Variants in GANAB observed in about 807,000 individuals in gnomAD.
GANAB encodes neutral alpha-glucosidase AB.
Under a neutral mutation model 129.9 loss-of-function variants are expected in GANAB, and 35 were observed. The observed-to-expected ratio is 0.27, with a 90% CI of 0.21 to 0.36. GANAB has a LOEUF of 0.36. Among genes scored for constraint, GANAB ranks in the 10% least tolerant of loss-of-function variants. The pLI, the probability that GANAB is intolerant of heterozygous loss-of-function variation, is 1.00. For synonymous variants in GANAB, 482 were observed against 451.8 expected (o/e 1.07, Z -0.85); for missense variants, 939 against 1,221.0 (o/e 0.77, Z 3.44).
chr11:62,634,304 AT>A, intron 5 of GANAB: 1 of 1,585,392 alleles, frequency 6.3e-7, no homozygotes, highest in South Asian at 1.1e-5. Flanking sequence ...GTGGCCATGG[AT>A]TTACCTAGAG....
chr11:62,643,588 A>T (rs1044191110), intron 1 of GANAB, among the ~76,000 whole-genome samples: 8 of 152,342 alleles, frequency 5.3e-5, no homozygotes, highest in African/African-American at 1.9e-4. Flanking sequence ...GGTTGCAGTG[A>T]GCCAAGGTTG....
intron 4 of GANAB, among the ~76,000 whole-genome samples, chr11:62,635,695 G>T (rs1943913646): frequency 6.7e-6 from 1 of 150,088 alleles, no homozygotes; most frequent in African/African-American, 2.5e-5. Flanking sequence ...GCACAACCTT[G>T]GCTCACTGCA....
intron 5 of GANAB, chr11:62,633,790 G>A: frequency 1.9e-6 from 1 of 533,908 alleles, no homozygotes; most frequent in Non-Finnish European, 3.4e-6. Context: ...GAGAAAGGCA[G>A]AATGATTCAG....
chr11:62,639,076 T>C lies in GANAB; in HGVS notation c.287A>G (p.Lys96Arg), dbSNP rs561974194. 9.2e-5 allele frequency: 149 copies of C among 1,613,954 alleles called. No individual in the cohort carries two copies. Among genetic ancestry groups the C allele is most frequent in the Non-Finnish European group, 1.2e-4 (142 of 1,179,998 alleles). ...ATCAATCCTGAACCGAGTCATGTTC[T>C]TTTGAAGCCCCTGAAGCTCTAGCAC... is the stretch of plus-strand genomic sequence containing the variant. Reference protein sequence around the residue: ...LLVLELQGLQKNMTRFRIDEL... With the variant: ...LLVLELQGLQRNMTRFRIDEL... Residue 96 changes from lysine to arginine, a missense_variant, in exon 4 of 24, where the codon AAG (lysine) becomes AGG (arginine). Physicochemically the swap from Lys to Arg is conservative, Grantham distance 26 (BLOSUM62 2). This residue lies in a region of GANAB where 321 missense variants were observed against 329.1 expected (regional missense o/e 0.98). Transcript: ENST00000356638.
chr11:62,644,697 G>A (rs1406218164), intron 1 of GANAB, among the ~76,000 whole-genome samples: 1 of 152,050 alleles, frequency 6.6e-6, no homozygotes, highest in African/African-American at 2.4e-5. Flanking sequence ...GGTGGCACAC[G>A]TCTGTAATCC....
chr11:62,642,871 G>T (rs1196759582), intron 1 of GANAB, among the ~76,000 whole-genome samples: 6 of 151,984 alleles, frequency 3.9e-5, no homozygotes. Context: ...TTTCCAGATG[G>T]GAAAATTAAA....
In GANAB at chr11:62,628,225, T is replaced by TTTC. The variant is rs1554971441; in HGVS notation, c.2180+543_2180+544insGAA. Among the ~76,000 whole-genome samples the TTTC allele has an allele frequency of 5.1e-4, 63 of 124,504 alleles. 1 individual carries two copies. Among genetic ancestry groups the TTTC allele is most frequent in the Non-Finnish European group, 6.2e-4 (38 of 61,068 alleles). 81.7% of individuals were successfully genotyped at this position (124,504 alleles called of 152,430 possible). On this transcript the variant is annotated intron_variant, in intron 17 of 23. Transcript: ENST00000356638. ...CAAAACTTTTTTTTTTTTTTTTTTT[T>TTTC]CATTTTTTTGAGATGGAGTCTCCCT...
At chr11:62,634,076 TG>T in intron 5 of GANAB, 1 of 484,720 alleles carries the variant, frequency 2.1e-6, no homozygotes. Context: ...CTCCATCCCC[TG>T]GCAAAGCAAT....
chr11:62,626,736 C>T (rs780054769), intron 20 of GANAB, 52 bp from the exon 21 acceptor site: 64 of 1,375,212 alleles, frequency 4.7e-5, no homozygotes, highest in Non-Finnish European at 6.3e-5. Flanking sequence ...CAACCTTGGG[C>T]CCCACAGCAT....
At position 62,633,218 on chromosome 11, in the gene GANAB, C is replaced by G; in HGVS notation, c.684G>C (p.Glu228Asp). 1.2e-6 allele frequency: 2 copies of G among 1,614,148 alleles called. No homozygotes were observed. Among genetic ancestry groups the G allele is most frequent in the Non-Finnish European group, 1.7e-6 (2 of 1,180,012 alleles). The change falls in exon 7 of 24, where the codon GAG becomes GAC. Residue 228 changes from glutamate to aspartate, a missense_variant. By Grantham distance (45) the Glu-to-Asp change is conservative. Coordinates refer to ENST00000356638, the MANE Select transcript of GANAB (RefSeq NM_198334.3). ...AEKDEPGAWE[E>D]TFKTHSDSKP... Reference sequence around the variant, plus strand: ...TGCTGTCAGAGTGAGTTTTGAATGTCTCCTCCCAGGCTCCTGGCTCATCTT... The same window carrying G: ...TGCTGTCAGAGTGAGTTTTGAATGTGTCCTCCCAGGCTCCTGGCTCATCTT...
chr11:62,638,202 G>C (rs904390767), intron 4 of GANAB, among the ~76,000 whole-genome samples: 6 of 152,174 alleles, frequency 3.9e-5, no homozygotes, highest in Admixed American at 3.3e-4. Flanking sequence ...CGCCCAGGCT[G>C]TAGTGCAGTG....
intron 6 of GANAB, 74 bp downstream of exon 6, chr11:62,633,371 A>T: frequency 6.4e-7 from 1 of 1,560,342 alleles, no homozygotes; most frequent in South Asian, 1.1e-5. Context: ...ACTAAGTTCA[A>T]GTTTCTCATG....
intron 4 of GANAB, among the ~76,000 whole-genome samples, chr11:62,636,418 T>A (rs1194806229): frequency 1.3e-5 from 2 of 149,914 alleles, no homozygotes; most frequent in Non-Finnish European, 3.0e-5. Flanking sequence ...CTGGGCAACA[T>A]GGCAAAAACC....
In GANAB at chr11:62,633,078, A is replaced by C; in HGVS notation, c.742T>G (p.Phe248Val). The C allele has an allele frequency of 1.2e-6, 2 of 1,612,436 alleles. No homozygotes were observed. Among genetic ancestry groups the C allele is most frequent in the South Asian group, 2.2e-5 (2 of 91,046 alleles). ...ACATGCTCCATGCCTGGCAGAGAGAAGTCCAAACCCACAGACATGGGGCCT... is the reference window on the plus strand; with the variant it reads ...ACATGCTCCATGCCTGGCAGAGAGACGTCCAAACCCACAGACATGGGGCCT... ...PYGPMSVGLDFSLPGMEHVYG... is the reference protein window; with the variant it reads ...PYGPMSVGLDVSLPGMEHVYG... Residue 248 changes from phenylalanine to valine, a missense_variant, in exon 8 of 24, where the codon TTC (phenylalanine) becomes GTC (valine). Physicochemically the swap from Phe to Val is conservative, Grantham distance 50. This residue lies in a region of GANAB where 321 missense variants were observed against 329.1 expected (regional missense o/e 0.98). Transcript: ENST00000356638.
intron 9 of GANAB, 45 bp downstream of exon 9, chr11:62,632,520 C>T (rs1410427686): frequency 6.6e-7 from 1 of 1,511,778 alleles, no homozygotes; most frequent in East Asian, 2.3e-5. Flanking sequence ...GCCTCAAGGC[C>T]TGGAAGCTTC....
intron 17 of GANAB, among the ~76,000 whole-genome samples, chr11:62,628,253 G>A (rs1383191870): frequency 8.4e-4 from 56 of 66,970 alleles, no homozygotes; most frequent in Admixed American, 1.3e-3. Context: ...GTCTCCCTCT[G>A]TCACCCAGGC....
At chr11:62,646,188 T>A (rs1944470902) in intron 1 of GANAB, among the ~76,000 whole-genome samples, 1 of 152,128 alleles carries the variant, frequency 6.6e-6, no homozygotes, top group African/African-American at 2.4e-5. Flanking sequence ...GCAGGCTGCA[T>A]TCCCCGAGGC....
chr11:62,626,572 T>G lies in GANAB; in HGVS notation c.2510A>C (p.Gln837Pro). ...GAGACTCGCTGCCTATGCACTTACC[T>G]GAGGGCTAAGTGCAACAAAGAGAGT... Reference protein sequence around the residue: ...PITLFVALSPQGTAQGELFLD... With the variant: ...PITLFVALSPPGTAQGELFLD... The change falls in exon 21 of 24, where the codon CAG becomes CCG. Residue 837 changes from glutamine (Q) to proline (P), a missense_variant and splice_region_variant. This residue lies in a region of GANAB where 230 missense variants were observed against 259.9 expected (regional missense o/e 0.89). Coordinates refer to ENST00000356638, the MANE Select transcript of GANAB (RefSeq NM_198334.3). The G allele has an allele frequency of 6.3e-7, 1 of 1,584,662 alleles. No individual in the cohort carries two copies.
At chr11:62,627,604 C>A (rs1207051756) in intron 17 of GANAB, among the ~76,000 whole-genome samples, 1 of 152,084 alleles carries the variant, frequency 6.6e-6, no homozygotes, top group Non-Finnish European at 1.5e-5. Context: ...TGGTGGCAGG[C>A]ACCTGTGATC....
Sources: gnomAD v4.1 joint callset for allele counts (sites outside exome capture counted in the v4.1 genomes callset) on GRCh38, gnomAD v4.1.1 for gene constraint, gnomAD v4.1.1 regional missense constraint, MANE v1.5 for transcripts, NCBI Gene and HGNC (gene_info 2026-07-23, HGNC 2026-07-21) for gene names.